ABTB2: variants seen among roughly 807,000 people sequenced by gnomAD.
ABTB2 encodes ankyrin repeat and BTB/POZ domain-containing protein 2.
Under a neutral mutation model 104.1 loss-of-function variants are expected in ABTB2, and 56 were observed. The observed-to-expected ratio is 0.54, with a 90% CI of 0.43 to 0.67. The LOEUF (loss-of-function observed/expected upper bound fraction) is 0.67, where lower values mean the gene tolerates loss of function less well. Among genes scored for constraint, ABTB2 ranks in the 30% least tolerant of loss-of-function variants. The pLI, the probability that ABTB2 is intolerant of heterozygous loss-of-function variation, is 0.00. For synonymous variants in ABTB2, 606 were observed against 608.2 expected (o/e 1.00, Z 0.05); for missense variants, 1,279 against 1,407.7 (o/e 0.91, Z 1.46).
chr11:34,247,480 C>T (rs1188121691), intron 1 of ABTB2, among the ~76,000 whole-genome samples: 1 of 152,130 alleles, frequency 6.6e-6, no homozygotes, highest in Admixed American at 6.5e-5. Context: ...TGATCTTGTC[C>T]AATTGTAGGC....
intron 1 of ABTB2, among the ~76,000 whole-genome samples, chr11:34,251,973 A>C (rs563830564): frequency 6.6e-6 from 1 of 152,280 alleles, no homozygotes; most frequent in East Asian, 1.9e-4. Context: ...CCTGGGAGTC[A>C]CAGTGTTTAG....
intron 1 of ABTB2, among the ~76,000 whole-genome samples, chr11:34,279,251 T>C (rs1273140064): frequency 6.6e-6 from 1 of 152,184 alleles, no homozygotes; most frequent in East Asian, 1.9e-4. Context: ...CTTTGCAATG[T>C]GTTCTTTATA....
intron 1 of ABTB2, among the ~76,000 whole-genome samples, chr11:34,243,358 G>A (rs572496032): frequency 5.3e-5 from 8 of 152,118 alleles, no homozygotes; most frequent in East Asian, 1.9e-4. Context: ...CTTGAACTCC[G>A]CCTCCTGGGT....
chr11:34,173,197 C>T lies in ABTB2; in HGVS notation c.1355G>A (p.Arg452Gln), dbSNP rs752354876. The change falls in exon 4 of 17, where the codon CGG becomes CAG. Residue 452 changes from arginine to glutamine, a missense_variant. Arg to Gln is a conservative substitution (Grantham distance 43). Transcript: ENST00000435224. ...ACAGTCCAGACCAGGCAGCAGCAGC[C>T]GGGCTGCCTGCCGGATGTCGCCGCT... ...VDSGDIRQAA[R>Q]LLLPGLDCEP... The T allele has an allele frequency of 2.7e-5, 44 of 1,613,646 alleles. No individual in the cohort carries two copies. Among genetic ancestry groups the T allele is most frequent in the African/African-American group, 5.3e-5 (4 of 74,924 alleles).
chr11:34,288,784 G>C (rs892790044), intron 1 of ABTB2, among the ~76,000 whole-genome samples: 1 of 152,080 alleles, frequency 6.6e-6, no homozygotes, highest in Non-Finnish European at 1.5e-5. Context: ...GAAGGTATAG[G>C]GGCTGTGACA....
intron 1 of ABTB2, among the ~76,000 whole-genome samples, chr11:34,241,510 C>T (rs1393774337): frequency 6.6e-6 from 1 of 152,144 alleles, no homozygotes; most frequent in Non-Finnish European, 1.5e-5. Flanking sequence ...GGTATCTCTC[C>T]CAAGAGTCCA....
At chr11:34,196,294 C>G (rs1853255841) in intron 3 of ABTB2, among the ~76,000 whole-genome samples, 1 of 152,216 alleles carries the variant, frequency 6.6e-6, no homozygotes, top group African/African-American at 2.4e-5. Flanking sequence ...TGGCTCACGC[C>G]TGTAATCCCA....
intron 1 of ABTB2, among the ~76,000 whole-genome samples, chr11:34,282,593 C>A (rs1236203545): frequency 6.6e-6 from 1 of 151,996 alleles, no homozygotes. Flanking sequence ...GTGGCGCAAT[C>A]TTGGCTCACT....
At chr11:34,184,201 C>A (rs1046654086) in intron 3 of ABTB2, among the ~76,000 whole-genome samples, 1 of 152,034 alleles carries the variant, frequency 6.6e-6, no homozygotes, top group African/African-American at 2.4e-5. Context: ...TTCCTAGAAG[C>A]TTGAGTTGGC....
chr11:34,344,155 G>A (rs1485375636), intron 1 of ABTB2, among the ~76,000 whole-genome samples: 3 of 152,192 alleles, frequency 2.0e-5, no homozygotes, highest in Non-Finnish European at 4.4e-5. Context: ...GAAAAATGGA[G>A]TCTTGCTTTC....
At chr11:34,332,085 A>G (rs537956155) in intron 1 of ABTB2, among the ~76,000 whole-genome samples, 2 of 152,332 alleles carry the variant, frequency 1.3e-5, no homozygotes, top group South Asian at 4.1e-4. Flanking sequence ...ATAGTATGCA[A>G]TAGCCTGTAT....
chr11:34,167,229 G>T (rs1053337404), intron 7 of ABTB2, 30 bp downstream of exon 7: 4 of 1,572,930 alleles, frequency 2.5e-6, no homozygotes, highest in Non-Finnish European at 3.5e-6. Flanking sequence ...GTAAGCTGGG[G>T]GGCATGGTGT....
chr11:34,294,739 C>T (rs1268998454), intron 1 of ABTB2, among the ~76,000 whole-genome samples: 2 of 150,416 alleles, frequency 1.3e-5, no homozygotes, highest in African/African-American at 2.5e-5. Context: ...TTTTTGAGAC[C>T]GAGTCTCATT....
intron 1 of ABTB2, among the ~76,000 whole-genome samples, chr11:34,336,188 C>T (rs1855191593): frequency 6.6e-6 from 1 of 152,148 alleles, no homozygotes; most frequent in Admixed American, 6.5e-5. Flanking sequence ...ACTACTAAAG[C>T]TTATTCAACT....
Position 34,230,974 on chromosome 11 carries a change from G to T in ABTB2, c.884-26284C>A, listed in dbSNP as rs181508283. Among the ~76,000 whole-genome samples, 360 of 152,282 alleles carry T rather than the reference G, an allele frequency of 2.4e-3. 2 individuals carry two copies. The highest frequency in any genetic ancestry group is 0.01 in the Middle Eastern group (3 of 294). On this transcript the variant is annotated intron_variant, in intron 1 of 16. Transcript: ENST00000435224. ...AATCCTCCCGCCTTGGCCTCCCAAAGTGCTGGGGTTACAGGCATGAGCCAC... is the reference window on the plus strand; with the variant it reads ...AATCCTCCCGCCTTGGCCTCCCAAATTGCTGGGGTTACAGGCATGAGCCAC...
chr11:34,169,647 G>A (rs1019284731), intron 5 of ABTB2, among the ~76,000 whole-genome samples: 2 of 152,114 alleles, frequency 1.3e-5, no homozygotes, highest in African/African-American at 4.8e-5. Context: ...GAACCTGTGT[G>A]GACGGAGAGG....
chr11:34,217,220 G>A (rs1853560317), intron 1 of ABTB2, among the ~76,000 whole-genome samples: 1 of 152,120 alleles, frequency 6.6e-6, no homozygotes, highest in Admixed American at 6.6e-5. Context: ...GCTCACCCTT[G>A]AATTATTTCC....
chr11:34,162,925 G>A lies in ABTB2; in HGVS notation c.1989-120C>T, dbSNP rs550797301. Reference sequence around the variant, plus strand: ...GCTCTGGGGTACCCGAGGGCTCGGAGTTTCATGGTCTTCCTCCTCCAGGCA... The same window carrying A: ...GCTCTGGGGTACCCGAGGGCTCGGAATTTCATGGTCTTCCTCCTCCAGGCA... On this transcript the variant is annotated intron_variant, in intron 9 of 16. Coordinates refer to ENST00000435224, the MANE Select transcript of ABTB2 (RefSeq NM_145804.3). 32 of 947,646 alleles carry A rather than the reference G, an allele frequency of 3.4e-5. No homozygotes were observed. In the African/African-American group the frequency reaches 4.9e-4, roughly 15 times the overall value. The allele number at this position is 947,646 out of a possible 1,614,324, so 58.7% of individuals were successfully genotyped here.
chr11:34,357,598 G>A lies in ABTB2; in HGVS notation c.-15C>T. On this transcript the variant is annotated 5_prime_UTR_variant, in exon 1 of 17. Coordinates refer to ENST00000435224, the MANE Select transcript of ABTB2 (RefSeq NM_145804.3). ...GTCCCGGCCATGGGGAGCCTGCCGA[G>A]GGCGGCGTCGCCGAGCGAGGGGCAC... 6.7e-7 allele frequency: 1 copy of A among 1,495,396 alleles called. No individual in the cohort carries two copies. The highest frequency in any genetic ancestry group is 2.1e-5 in the Admixed American group (1 of 47,786). The allele number at this position is 1,495,396 out of a possible 1,614,324, so 92.6% of individuals were successfully genotyped here. A position where few individuals can be genotyped will look rare whatever the true frequency, so the allele number is the denominator to read the frequency against.
Sources: gnomAD v4.1 joint callset for allele counts (sites outside exome capture counted in the v4.1 genomes callset) on GRCh38, gnomAD v4.1.1 for gene constraint, MANE v1.5 for transcripts, NCBI Gene and HGNC (gene_info 2026-07-23, HGNC 2026-07-21) for gene names.